Variants in ACOT13 observed in about 807,000 individuals in gnomAD.
The protein encoded by ACOT13 is acyl-CoA thioesterase 13.
A neutral mutation model predicts 11.8 loss-of-function variants in ACOT13; 10 were observed. The observed-to-expected ratio is 0.85, with a 90% CI of 0.53 to 1.44. The LOEUF (loss-of-function observed/expected upper bound fraction) is 1.44, where lower values mean the gene tolerates loss of function less well. Ranked by LOEUF, ACOT13 falls within the 40% of genes most tolerant of loss-of-function variation. The probability of loss-of-function intolerance (pLI) is 0.00; values close to 1 mark genes in which losing one functional copy is unlikely to be tolerated. For synonymous variants in ACOT13, 53 were observed against 61.0 expected, an observed-to-expected ratio of 0.87 and a Z score of 0.61; for missense variants, 172 against 174.1, an observed-to-expected ratio of 0.99 and a Z score of 0.07.
chr6:24,685,563 G>A (rs2127625012), intron 1 of ACOT13, among the ~76,000 whole-genome samples: 1 of 151,748 alleles, frequency 6.6e-6, no homozygotes, highest in Non-Finnish European at 1.5e-5. Flanking sequence ...AGCCAGGATG[G>A]TCTCGATCTC....
intron 1 of ACOT13, among the ~76,000 whole-genome samples, chr6:24,674,247 C>G (rs1054042259): frequency 3.3e-5 from 5 of 152,078 alleles, no homozygotes; most frequent in African/African-American, 1.2e-4. Context: ...ATAGTAGGGA[C>G]AGGGTTTCAC....
At chr6:24,700,335 AAACT>A (rs1778871294) in intron 2 of ACOT13, among the ~76,000 whole-genome samples, 1 of 152,138 alleles carries the variant, frequency 6.6e-6, no homozygotes, top group Non-Finnish European at 1.5e-5. Flanking sequence ...AAAACTGGCC[AAACT>A]ACTACTAAAC....
At chr6:24,699,368 C>T (rs980948922) in intron 2 of ACOT13, among the ~76,000 whole-genome samples, 4 of 152,012 alleles carry the variant, frequency 2.6e-5, no homozygotes, top group Admixed American at 2.6e-4. Context: ...TGCCACCATG[C>T]CCGACTAATT....
At chr6:24,670,101 GAAAC>G (rs1007008932) in intron 1 of ACOT13, among the ~76,000 whole-genome samples, 2 of 152,164 alleles carry the variant, frequency 1.3e-5, no homozygotes, top group Non-Finnish European at 2.9e-5. Context: ...TGTAAGTTTT[GAAAC>G]AATTTTTCTC....
intron 1 of ACOT13, among the ~76,000 whole-genome samples, chr6:24,677,596 C>T (rs535912843): frequency 2.0e-5 from 3 of 152,156 alleles, no homozygotes; most frequent in Non-Finnish European, 2.9e-5. Flanking sequence ...GTTTCTTTTG[C>T]GACATATAAA....
chr6:24,704,724 TG>T lies in ACOT13; in HGVS notation c.*3110del, dbSNP rs1778965050. 1 of 152,250 alleles carries T rather than the reference TG, an allele frequency of 6.6e-6. No individual in the cohort carries two copies. Among genetic ancestry groups the T allele is most frequent in the African/African-American group, 2.4e-5 (1 of 41,472 alleles). The allele number at this position is 152,250 out of a possible 1,614,324, so 9.4% of individuals were successfully genotyped here. Reference sequence around the variant, plus strand: ...AAGCTGACAGTATGTTCTTGATTCCTGTTCTTGTTGAAGTTACACACTCAAT... The same window carrying T: ...AAGCTGACAGTATGTTCTTGATTCCTTTCTTGTTGAAGTTACACACTCAAT... On this transcript the variant is annotated 3_prime_UTR_variant, in exon 3 of 3. Transcript: ENST00000230048.
intron 1 of ACOT13, among the ~76,000 whole-genome samples, chr6:24,676,351 T>C (rs1324328441): frequency 2.6e-5 from 4 of 152,082 alleles, no homozygotes; most frequent in Admixed American, 1.3e-4. Context: ...ATTCTTCCTA[T>C]CCATGAGCAT....
chr6:24,682,126 T>G (rs1195512679), intron 1 of ACOT13, among the ~76,000 whole-genome samples: 3 of 152,236 alleles, frequency 2.0e-5, no homozygotes, highest in South Asian at 4.1e-4. Flanking sequence ...CTTCCGCAGA[T>G]AGCGTAACAC....
At chr6:24,688,343 A>G (rs1340355130) in intron 1 of ACOT13, among the ~76,000 whole-genome samples, 6 of 151,964 alleles carry the variant, frequency 3.9e-5, no homozygotes, top group African/African-American at 1.5e-4. Context: ...GTTTGAGACC[A>G]GCCTAGGCAA....
rs3734222 is a variant in ACOT13, at chr6:24,695,864, C to T, written c.82-2019C>T. ...GGTGGATCACCTGAGGTCAGGAGTT[C>T]GAGACCAGCATGGTGAAACCTCATC... is the stretch of plus-strand genomic sequence containing the variant. On this transcript the variant is annotated intron_variant, in intron 1 of 2. Transcript: ENST00000230048. Among the ~76,000 whole-genome samples the T allele has an allele frequency of 2.4e-4, 37 of 152,208 alleles. No homozygotes were observed. In the East Asian group the frequency reaches 7.0e-3, roughly 29 times the overall value.
intron 1 of ACOT13, among the ~76,000 whole-genome samples, chr6:24,697,644 T>A (rs1778816548): frequency 6.6e-6 from 1 of 152,252 alleles, no homozygotes; most frequent in Non-Finnish European, 1.5e-5. Flanking sequence ...TCAGACTGAA[T>A]GTTTAATTTC....
At chr6:24,698,179 C>T in intron 2 of ACOT13, 112 bp downstream of exon 2, 1 of 937,344 alleles carries the variant, frequency 1.1e-6, no homozygotes, top group Non-Finnish European at 1.5e-6. Context: ...AGCTGCTTAT[C>T]TCCTTAACTG....
At chr6:24,680,346 G>T (rs1202496538) in intron 1 of ACOT13, among the ~76,000 whole-genome samples, 5 of 152,184 alleles carry the variant, frequency 3.3e-5, no homozygotes, top group Non-Finnish European at 7.3e-5. Flanking sequence ...CTTAGCGTCT[G>T]AGGGTCAAAT....
At chr6:24,693,605 CCTAT>C (rs1381557391) in intron 1 of ACOT13, among the ~76,000 whole-genome samples, 5 of 152,314 alleles carry the variant, frequency 3.3e-5, no homozygotes, top group South Asian at 4.2e-4. Flanking sequence ...AGCCCTTCTC[CCTAT>C]CTATCTTTGC....
At chr6:24,695,087 T>C (rs1451608283) in intron 1 of ACOT13, among the ~76,000 whole-genome samples, 2 of 152,106 alleles carry the variant, frequency 1.3e-5, no homozygotes, top group Non-Finnish European at 1.5e-5. Context: ...GGTGGGTGGA[T>C]CACCTGAGGT....
Position 24,703,321 on chromosome 6 carries a change from A to C in ACOT13, c.*1706A>C, listed in dbSNP as rs1778927340. ...CATTAGATCGCCTGCTGATCTGTCC[A>C]CTGTGAAAGGGCAGAAGACTCCACA... On this transcript the variant is annotated 3_prime_UTR_variant, in exon 3 of 3. Transcript: ENST00000230048. The C allele has an allele frequency of 6.6e-6, 1 of 152,234 alleles. No homozygotes were observed. Among genetic ancestry groups the C allele is most frequent in the Non-Finnish European group, 1.5e-5 (1 of 68,042 alleles). The allele number at this position is 152,234 out of a possible 1,614,324, so 9.4% of individuals were successfully genotyped here.
intron 2 of ACOT13, among the ~76,000 whole-genome samples, chr6:24,699,213 T>TTG (rs1228159988): frequency 1.3e-5 from 2 of 150,116 alleles, no homozygotes; most frequent in Non-Finnish European, 3.0e-5. Flanking sequence ...GTAGGCTTTT[T>TTG]TTTTTTTTTT....
chr6:24,683,367 G>T (rs1001414579), intron 1 of ACOT13, among the ~76,000 whole-genome samples: 3 of 152,114 alleles, frequency 2.0e-5, no homozygotes, highest in African/African-American at 7.2e-5. Flanking sequence ...GTGAAACCCT[G>T]TCTCTACCAA....
At chr6:24,697,732 G>C in intron 1 of ACOT13, 151 bp from the exon 2 acceptor site, 1 of 578,314 alleles carries the variant, frequency 1.7e-6, no homozygotes, top group Non-Finnish European at 2.9e-6. Context: ...ACTTGCATAA[G>C]GGTTAATTTC....
Sources: allele counts gnomAD v4.1 joint callset (sites outside exome capture counted in the v4.1 genomes callset), GRCh38; gene constraint gnomAD v4.1.1; transcripts MANE v1.5; gene names NCBI Gene and HGNC (gene_info 2026-07-23, HGNC 2026-07-21).